Variants in PTPRQ observed in about 807,000 individuals in gnomAD.
The protein encoded by PTPRQ is protein tyrosine phosphatase receptor type Q, also known as phosphatidylinositol phosphatase PTPRQ.
A neutral mutation model predicts 246.0 loss-of-function variants in PTPRQ; 199 were observed. The ratio of observed to expected loss-of-function variants is 0.81; its 90% CI spans 0.72 to 0.91. The LOEUF is 0.91. PTPRQ is among the 40% of genes least tolerant of loss of function. The pLI, the probability that PTPRQ is intolerant of heterozygous loss-of-function variation, is 0.00. For missense variants in PTPRQ, 2,624 were observed against 2,528.4 expected, an observed-to-expected ratio of 1.04 and a Z score of -0.81; for synonymous variants, 869 against 853.2, an observed-to-expected ratio of 1.02 and a Z score of -0.32.
chr12:80,584,666 C>T (rs1166286514), intron 25 of PTPRQ, among the ~76,000 whole-genome samples: 1 of 152,156 alleles, frequency 6.6e-6, no homozygotes, highest in Non-Finnish European at 1.5e-5. Context: ...CCCTCTCTTC[C>T]ATGATCTCCA....
intron 25 of PTPRQ, among the ~76,000 whole-genome samples, chr12:80,560,832 T>A (rs919909278): frequency 6.6e-6 from 1 of 152,220 alleles, no homozygotes; most frequent in Non-Finnish European, 1.5e-5. Context: ...AAGAAAAATA[T>A]GTTGTGATAA....
chr12:80,461,111 CA>C (rs1021969864), intron 6 of PTPRQ, among the ~76,000 whole-genome samples: 1 of 151,998 alleles, frequency 6.6e-6, no homozygotes, highest in Non-Finnish European at 1.5e-5. Flanking sequence ...GAAAGATTTG[CA>C]AAAAACAATT....
chr12:80,614,147 C>T (rs1408281090), intron 29 of PTPRQ, among the ~76,000 whole-genome samples: 3 of 149,900 alleles, frequency 2.0e-5, no homozygotes, highest in African/African-American at 7.3e-5. Flanking sequence ...ATAACTCTGC[C>T]TAAAAAAAAG....
intron 14 of PTPRQ, among the ~76,000 whole-genome samples, chr12:80,502,181 A>G (rs1300806968): frequency 6.6e-6 from 1 of 151,912 alleles, no homozygotes; most frequent in African/African-American, 2.4e-5. Context: ...TAGAGCTTGG[A>G]AAGGAGGAAA....
At chr12:80,642,875 C>T (rs1008673381) in intron 35 of PTPRQ, among the ~76,000 whole-genome samples, 1 of 141,272 alleles carries the variant, frequency 7.1e-6, no homozygotes, top group African/African-American at 2.7e-5. Flanking sequence ...AGCCGAGATC[C>T]CGCCACTGCA....
chr12:80,601,579 C>T (rs1898145173), intron 26 of PTPRQ, among the ~76,000 whole-genome samples: 1 of 151,790 alleles, frequency 6.6e-6, no homozygotes, highest in Admixed American at 6.6e-5. Context: ...TTTTATACCA[C>T]TTGAAATGTG....
At position 80,619,443 on chromosome 12, in the gene PTPRQ, G is replaced by A. The variant is rs1898890298; in HGVS notation, c.5290G>A (p.Val1764Met). ...TTATGATGCCACAGGAAAACTGCTTGTGACTTCAACAACAATTACAATCAG... is the reference window on the plus strand; with the variant it reads ...TTATGATGCCACAGGAAAACTGCTTATGACTTCAACAACAATTACAATCAG... ...PIYDATGKLLVTSTTITIRMP... is the reference protein window; with the variant it reads ...PIYDATGKLLMTSTTITIRMP... Residue 1764 changes from valine (V) to methionine (M), a missense_variant, in exon 31 of 45, where the codon GTG (valine) becomes ATG (methionine). Physicochemically the swap from Val to Met is conservative, Grantham distance 21. Coordinates refer to ENST00000644991, the MANE Select transcript of PTPRQ (RefSeq NM_001145026.2). The A allele has an allele frequency of 6.5e-7, 1 of 1,548,332 alleles. No homozygotes were observed. Among genetic ancestry groups the A allele is most frequent in the Admixed American group, 2.0e-5 (1 of 50,794 alleles).
chr12:80,678,214 A>T (rs868399490), intron 43 of PTPRQ, among the ~76,000 whole-genome samples: 15 of 152,218 alleles, frequency 9.9e-5, no homozygotes, highest in Non-Finnish European at 1.8e-4. Flanking sequence ...TTCAAAAGTA[A>T]ATTTAGCATT....
At position 80,647,546 on chromosome 12, in the gene PTPRQ, A is replaced by G. The variant is rs1900115188; in HGVS notation, c.5916-1351A>G. Among the ~76,000 whole-genome samples, 4 of 152,064 alleles carry G rather than the reference A, an allele frequency of 2.6e-5. No individual in the cohort carries two copies. In the South Asian group the frequency reaches 8.3e-4, roughly 32 times the overall value. Reference sequence around the variant, plus strand: ...CTTCGCTGAGGGGTAATTATTTTTAACAAAGATTGATTGTGGCTTCAGTCC... The same window carrying G: ...CTTCGCTGAGGGGTAATTATTTTTAGCAAAGATTGATTGTGGCTTCAGTCC... On this transcript the variant is annotated intron_variant, in intron 35 of 44. Coordinates refer to ENST00000644991, the MANE Select transcript of PTPRQ (RefSeq NM_001145026.2).
At chr12:80,623,147 A>G (rs905808171) in intron 33 of PTPRQ, among the ~76,000 whole-genome samples, 20 of 152,034 alleles carry the variant, frequency 1.3e-4, no homozygotes, top group African/African-American at 4.6e-4. Flanking sequence ...CTGCTAATAG[A>G]CTTCAGTGAG....
At chr12:80,467,624 T>C (rs1893474137) in intron 6 of PTPRQ, among the ~76,000 whole-genome samples, 1 of 152,042 alleles carries the variant, frequency 6.6e-6, no homozygotes, top group Non-Finnish European at 1.5e-5. Flanking sequence ...CCAACAATGA[T>C]AGACTGGATT....
At chr12:80,561,060 C>T (rs1475473593) in intron 25 of PTPRQ, 1 of 152,930 alleles carries the variant, frequency 6.5e-6, no homozygotes, top group Non-Finnish European at 1.5e-5. Context: ...ATGATCTGAT[C>T]ACATGTAAGT....
At chr12:80,652,887 C>T (rs1900301011) in intron 38 of PTPRQ, 53 bp downstream of exon 38, 1 of 1,408,850 alleles carries the variant, frequency 7.1e-7, no homozygotes, top group South Asian at 1.8e-5. Context: ...TAAATGCCTA[C>T]CATCTTAACT....
chr12:80,622,003 T>C (rs184416252), intron 32 of PTPRQ, 58 bp from the exon 33 acceptor site: 490 of 1,119,800 alleles, frequency 4.4e-4, no homozygotes, highest in Admixed American at 3.1e-3. Flanking sequence ...TCTTGAGTTA[T>C]TCATAGGAAA....
intron 39 of PTPRQ, among the ~76,000 whole-genome samples, chr12:80,661,166 A>G (rs1900616847): frequency 6.6e-6 from 1 of 151,696 alleles, no homozygotes; most frequent in Non-Finnish European, 1.5e-5. Context: ...GGATATTAAG[A>G]TGAAGAATCT....
chr12:80,553,955 G>A (rs1352995107), intron 25 of PTPRQ, among the ~76,000 whole-genome samples: 2 of 152,012 alleles, frequency 1.3e-5, no homozygotes, highest in Non-Finnish European at 1.5e-5. Flanking sequence ...AATAAGCCAG[G>A]CACAGAAAGA....
intron 26 of PTPRQ, among the ~76,000 whole-genome samples, chr12:80,591,121 T>TC: frequency 1.0e-5 from 1 of 99,536 alleles, no homozygotes; most frequent in Non-Finnish European, 1.9e-5. Flanking sequence ...TGATCATTGC[T>TC]TTTTTTTTTT....
chr12:80,659,353 G>T (rs944846523), intron 39 of PTPRQ, among the ~76,000 whole-genome samples: 1 of 151,822 alleles, frequency 6.6e-6, no homozygotes, highest in African/African-American at 2.4e-5. Context: ...GTTTTACTTG[G>T]ATTTACAAAA....
At chr12:80,527,340 A>G (rs955749871) in intron 17 of PTPRQ, among the ~76,000 whole-genome samples, 2 of 152,106 alleles carry the variant, frequency 1.3e-5, no homozygotes, top group Non-Finnish European at 2.9e-5. Context: ...TTATTATACT[A>G]TACTATTATT....
Sources: allele counts gnomAD v4.1 joint callset (sites outside exome capture counted in the v4.1 genomes callset), GRCh38; gene constraint gnomAD v4.1.1; transcripts MANE v1.5; gene names NCBI Gene and HGNC (gene_info 2026-07-23, HGNC 2026-07-21).